Variants in GPC1 observed in about 807,000 individuals in gnomAD.
GPC1 encodes glypican 1.
In GPC1, 26 loss-of-function variants were observed where a neutral mutation model predicts 51.5. That is an observed-to-expected ratio of 0.50 (90% CI 0.37 to 0.70). GPC1 has a LOEUF of 0.70. Ranked by LOEUF, GPC1 falls within the 30% of genes least tolerant of loss-of-function variation. The pLI, the probability that GPC1 is intolerant of heterozygous loss-of-function variation, is 0.00. For synonymous variants in GPC1, 380 were observed against 348.3 expected (o/e 1.09, Z -1.01); for missense variants, 775 against 800.5 (o/e 0.97, Z 0.38).
In GPC1 at chr2:240,463,422, G is replaced by A. The variant is rs763227743; in HGVS notation, c.793G>A (p.Ala265Thr). 101 of 1,612,544 alleles carry A rather than the reference G, an allele frequency of 6.3e-5. No individual in the cohort carries two copies. In the South Asian group the frequency reaches 7.8e-4, roughly 12 times the overall value. ...YCAHCLGVPG[A>T]RPCPDYCRNV... Reference sequence around the variant, plus strand: ...TGCTCACTGCCTGGGAGTCCCCGGCGCCAGGCCCTGCCCTGACTATTGCCG... The same window carrying A: ...TGCTCACTGCCTGGGAGTCCCCGGCACCAGGCCCTGCCCTGACTATTGCCG... Residue 265 changes from alanine to threonine, a missense_variant, in exon 4 of 9, where the codon GCC becomes ACC. Transcript: ENST00000264039.
chr2:240,439,718 G>C (rs915349795), intron 1 of GPC1, among the ~76,000 whole-genome samples: 1 of 152,172 alleles, frequency 6.6e-6, no homozygotes, highest in Non-Finnish European at 1.5e-5. Flanking sequence ...CCTGCTCAGC[G>C]GGCCTCTCGG....
chr2:240,461,331 C>G (rs1381939030), intron 2 of GPC1, among the ~76,000 whole-genome samples: 1 of 152,192 alleles, frequency 6.6e-6, no homozygotes, highest in African/African-American at 2.4e-5. Flanking sequence ...TGCCCTGCTA[C>G]CCTGGAGCAC....
At chr2:240,436,914 T>C (rs2073987920) in intron 1 of GPC1, among the ~76,000 whole-genome samples, 3 of 152,256 alleles carry the variant, frequency 2.0e-5, no homozygotes, top group Admixed American at 2.0e-4. Flanking sequence ...GCTCTGCCTC[T>C]TCCCTCCCTG....
Position 240,435,722 on chromosome 2 carries a change from C to T in GPC1, c.-197C>T. On this transcript the variant is annotated 5_prime_UTR_variant, in exon 1 of 9. Coordinates refer to ENST00000264039, the MANE Select transcript of GPC1 (RefSeq NM_002081.3). ...GGGCTGCCCGAGCGAGCGTTCGGAC[C>T]TCGCACCCCGCGCGCCCCGCGCCGC... The T allele has an allele frequency of 4.0e-6, 1 of 249,496 alleles. No individual in the cohort carries two copies. The highest frequency in any genetic ancestry group is 1.5e-4 in the South Asian group (1 of 6,634). The allele number at this position is 249,496 out of a possible 1,614,324, so 15.5% of individuals were successfully genotyped here.
At position 240,465,254 on chromosome 2, in the gene GPC1, C is replaced by T. The variant is rs746173000; in HGVS notation, c.1268+44C>T. ...GGCACAGCCCTCCCTCCCATGCCGC[C>T]TCCATTGGGCTGTGCCTGGGCCAGG... On this transcript the variant is annotated intron_variant, in intron 7 of 8. Coordinates refer to ENST00000264039, the MANE Select transcript of GPC1 (RefSeq NM_002081.3). 1.9e-6 allele frequency: 3 copies of T among 1,558,058 alleles called. No homozygotes were observed. In the East Asian group the frequency reaches 6.8e-5, roughly 35 times the overall value.
Position 240,462,553 on chromosome 2 carries a change from G to A in GPC1, c.688G>A (p.Ala230Thr). The change falls in exon 3 of 9, where the codon GCC (alanine) becomes ACC (threonine). Residue 230 changes from alanine (A) to threonine (T), a missense_variant. Ala to Thr is a moderately conservative substitution (Grantham distance 58). Coordinates refer to ENST00000264039, the MANE Select transcript of GPC1 (RefSeq NM_002081.3). ...CTCCTTTGTGCAGGGCCTGGGCGTG[G>A]CCAGCGACGTGGTCCGGAAAGTGGC... Reference protein sequence around the residue: ...ARSFVQGLGVASDVVRKVAQV... With the variant: ...ARSFVQGLGVTSDVVRKVAQV... 1 of 1,538,056 alleles carries A rather than the reference G, an allele frequency of 6.5e-7. No individual in the cohort carries two copies. The highest frequency in any genetic ancestry group is 8.7e-7 in the Non-Finnish European group (1 of 1,145,730).
chr2:240,457,914 C>A, intron 1 of GPC1: 1 of 382,676 alleles, frequency 2.6e-6, no homozygotes, highest in Non-Finnish European at 5.5e-6. Context: ...ACAACGCCCC[C>A]CCTTGACCCC....
rs952185814 is a variant in GPC1, at chr2:240,435,842, G to T, written c.-77G>T. 11 of 964,284 alleles carry T rather than the reference G, an allele frequency of 1.1e-5. No individual in the cohort carries two copies. The African/African-American group carries it at 1.5e-4, about 13-fold the overall frequency. 59.7% of individuals were successfully genotyped at this position (964,284 alleles called of 1,614,324 possible). A position where few individuals can be genotyped will look rare whatever the true frequency, so the allele number is the denominator to read the frequency against. Reference sequence around the variant, plus strand: ...CCGGGACCTTGGCTCTGCCCTTCGCGGGCGGGAACTGCGCAGGACCCGGCC... The same window carrying T: ...CCGGGACCTTGGCTCTGCCCTTCGCTGGCGGGAACTGCGCAGGACCCGGCC... On this transcript the variant is annotated 5_prime_UTR_variant, in exon 1 of 9. Transcript: ENST00000264039.
intron 7 of GPC1, 90 bp downstream of exon 7, chr2:240,465,300 G>A (rs751992957): frequency 7.1e-5 from 102 of 1,436,426 alleles, no homozygotes; most frequent in Admixed American, 2.0e-4. Context: ...ACGGGGCCAC[G>A]TCCCTTGCTG....
intron 1 of GPC1, among the ~76,000 whole-genome samples, chr2:240,454,631 G>C (rs2074139194): frequency 6.6e-6 from 1 of 152,248 alleles, no homozygotes; most frequent in African/African-American, 2.4e-5. Flanking sequence ...ACCGTGGGAG[G>C]CAATGCAGGC....
At chr2:240,453,303 GC>G (rs1553546569) in intron 1 of GPC1, among the ~76,000 whole-genome samples, 217 of 5,798 alleles carry the variant, frequency 0.037, 61 homozygotes, top group African/African-American at 0.23. Context: ...CGGCGTCCCC[GC>G]CCCGCTCCCA....
At chr2:240,453,121 C>T (rs1276190766) in intron 1 of GPC1, 4 of 271,366 alleles carry the variant, frequency 1.5e-5, no homozygotes, top group South Asian at 5.6e-5. Context: ...CATCTCCACC[C>T]GCTCCTCGTC....
At chr2:240,450,772 C>A in intron 1 of GPC1, 1 of 470,226 alleles carries the variant, frequency 2.1e-6, no homozygotes. Context: ...ATCATTTAGA[C>A]GTGTGCCTTT....
At chr2:240,444,774 T>C (rs750466215) in intron 1 of GPC1, among the ~76,000 whole-genome samples, 1 of 152,194 alleles carries the variant, frequency 6.6e-6, no homozygotes, top group Non-Finnish European at 1.5e-5. Context: ...CACCCGTGTC[T>C]GGCGCATCCT....
rs1427151723 is a variant in GPC1, at chr2:240,466,378, A to G, written c.*88A>G. The G allele has an allele frequency of 1.3e-6, 1 of 786,960 alleles. No individual in the cohort carries two copies. The highest frequency in any genetic ancestry group is 2.1e-6 in the Non-Finnish European group (1 of 474,994). 48.7% of individuals were successfully genotyped at this position (786,960 alleles called of 1,614,324 possible). On this transcript the variant is annotated 3_prime_UTR_variant, in exon 9 of 9. Coordinates refer to ENST00000264039, the MANE Select transcript of GPC1 (RefSeq NM_002081.3). Reference sequence around the variant, plus strand: ...ATATTTAATTCACCTCAGCCTGGAGAGGCCTGGGGTGGGACAGGGAGGGCC... The same window carrying G: ...ATATTTAATTCACCTCAGCCTGGAGGGGCCTGGGGTGGGACAGGGAGGGCC...
In GPC1 at chr2:240,463,618, T is replaced by C; in HGVS notation, c.883+106T>C. On this transcript the variant is annotated intron_variant, in intron 4 of 8. Transcript: ENST00000264039. ...AGCTTAGAGCTTGGACCCAGGGACC[T>C]GATCAGGGATGCCCTGACCCGGGCC... 2 of 929,594 alleles carry C rather than the reference T, an allele frequency of 2.2e-6. 1 individual carries two copies. The highest frequency in any genetic ancestry group is 3.1e-5 in the South Asian group (2 of 63,676). 57.6% of individuals were successfully genotyped at this position (929,594 alleles called of 1,614,324 possible).
chr2:240,438,518 C>T lies in GPC1; in HGVS notation c.166+2434C>T, dbSNP rs112272782. Among the ~76,000 whole-genome samples the T allele has an allele frequency of 5.8e-4, 88 of 152,298 alleles. 1 individual carries two copies. Among genetic ancestry groups the T allele is most frequent in the African/African-American group, 1.7e-3 (71 of 41,562 alleles). ...CCTAGTAGGCACCATTCTCAGTCCC[C>T]TCTCTCCTGCATCCAGACTTCTCCA... On this transcript the variant is annotated intron_variant, in intron 1 of 8. Coordinates refer to ENST00000264039, the MANE Select transcript of GPC1 (RefSeq NM_002081.3).
intron 1 of GPC1, among the ~76,000 whole-genome samples, chr2:240,438,494 C>A (rs922372796): frequency 2.6e-5 from 4 of 152,136 alleles, no homozygotes; most frequent in African/African-American, 9.7e-5. Flanking sequence ...CCTCTGTGGC[C>A]TAGTAGGCAC....
intron 1 of GPC1, chr2:240,449,360 G>C (rs1269862522): frequency 6.8e-6 from 1 of 146,290 alleles, no homozygotes; most frequent in African/African-American, 2.6e-5. Flanking sequence ...CTTAGCGGAT[G>C]CAAAGACAGG....
Sources: gnomAD v4.1 joint callset for allele counts (sites outside exome capture counted in the v4.1 genomes callset) on GRCh38, gnomAD v4.1.1 for gene constraint, MANE v1.5 for transcripts, NCBI Gene and HGNC (gene_info 2026-07-23, HGNC 2026-07-21) for gene names.